PRKCA: variants seen among roughly 807,000 people sequenced by gnomAD.
The protein encoded by PRKCA is protein kinase C alpha type.
Under a neutral mutation model 87.0 loss-of-function variants are expected in PRKCA, and 27 were observed. The observed-to-expected ratio is 0.31, with a 90% confidence interval of 0.23 to 0.43. PRKCA has a LOEUF of 0.43. Among genes scored for constraint, PRKCA ranks in the 20% least tolerant of loss-of-function variants. The pLI is 1.00. For missense variants in PRKCA, 518 were observed against 852.3 expected, an observed-to-expected ratio of 0.61 and a Z score of 4.88; for synonymous variants, 329 against 311.1, an observed-to-expected ratio of 1.06 and a Z score of -0.61.
chr17:66,433,859 C>T (rs1258349612), intron 2 of PRKCA, among the ~76,000 whole-genome samples: 1 of 152,170 alleles, frequency 6.6e-6, no homozygotes, highest in Non-Finnish European at 1.5e-5. Flanking sequence ...TGAGGAGTTT[C>T]TGAAACATCT....
intron 3 of PRKCA, among the ~76,000 whole-genome samples, chr17:66,612,119 G>T (rs1970384627): frequency 6.6e-6 from 1 of 151,330 alleles, no homozygotes; most frequent in African/African-American, 2.4e-5. Flanking sequence ...AGTGGCTCAT[G>T]CCTGTAATCC....
rs185757011 is a variant in PRKCA, at chr17:66,356,885, G to A, written c.205+50758G>A. On this transcript the variant is annotated intron_variant, in intron 2 of 16. Coordinates refer to ENST00000413366, the MANE Select transcript of PRKCA (RefSeq NM_002737.3). ...TTCTCCCACCTTAGCCTCCTGAGTC[G>A]CTGAGACTACAGCCACACCACCATG... is the stretch of plus-strand genomic sequence containing the variant. Among the ~76,000 whole-genome samples, 23 of 152,162 alleles carry A rather than the reference G, an allele frequency of 1.5e-4. No individual in the cohort carries two copies. The East Asian group carries it at 3.5e-3, about 23-fold the overall frequency.
chr17:66,363,021 G>A (rs541339125), intron 2 of PRKCA, among the ~76,000 whole-genome samples: 1 of 152,126 alleles, frequency 6.6e-6, no homozygotes, highest in Non-Finnish European at 1.5e-5. Flanking sequence ...GCACCTCAAT[G>A]TCTAGTTTTG....
chr17:66,482,396 G>C (rs1915827253), intron 2 of PRKCA, among the ~76,000 whole-genome samples: 1 of 152,174 alleles, frequency 6.6e-6, no homozygotes, highest in African/African-American at 2.4e-5. Flanking sequence ...TGCCCACCTA[G>C]AGTCCTTCAG....
At chr17:66,465,562 A>AT (rs113385632) in intron 2 of PRKCA, among the ~76,000 whole-genome samples, 23,353 of 143,826 alleles carry the variant, frequency 0.16, 1,911 homozygotes, top group Middle Eastern at 0.23. Flanking sequence ...TGGCTAGTTA[A>AT]TTTTTTTTTT....
intron 3 of PRKCA, among the ~76,000 whole-genome samples, chr17:66,528,221 C>CAAAAAAAAAAAAAAAAAAAAAAAAA (rs60533049): frequency 1.2e-5 from 1 of 85,948 alleles, no homozygotes. Context: ...AACTCTGTCT[C>CAAAAAAAAAAAAAAAAAAAAAAAAA]AAAAAAAAAA....
At chr17:66,575,568 G>A (rs964650760) in intron 3 of PRKCA, among the ~76,000 whole-genome samples, 9 of 151,908 alleles carry the variant, frequency 5.9e-5, no homozygotes, top group African/African-American at 1.2e-4. Flanking sequence ...TGACAAGAGC[G>A]AAACTGTCTT....
chr17:66,371,426 C>T (rs190732906), intron 2 of PRKCA, among the ~76,000 whole-genome samples: 1 of 152,134 alleles, frequency 6.6e-6, no homozygotes, highest in African/African-American at 2.4e-5. Flanking sequence ...CAATGGAAAC[C>T]GGGGGTGAGA....
At chr17:66,506,218 C>G (rs1916969164) in intron 3 of PRKCA, among the ~76,000 whole-genome samples, 2 of 152,108 alleles carry the variant, frequency 1.3e-5, no homozygotes, top group South Asian at 2.1e-4. Context: ...ATTGCTCAAA[C>G]CCTGGAGGCG....
intron 2 of PRKCA, among the ~76,000 whole-genome samples, chr17:66,404,390 G>A (rs572068191): frequency 6.6e-6 from 1 of 152,294 alleles, no homozygotes; most frequent in South Asian, 2.1e-4. Context: ...GCGGCGGAGG[G>A]GAAAGCTTCC....
At chr17:66,543,090 A>G (rs925616894) in intron 3 of PRKCA, among the ~76,000 whole-genome samples, 5 of 152,230 alleles carry the variant, frequency 3.3e-5, no homozygotes, top group South Asian at 2.1e-4. Flanking sequence ...TATAGTCAGT[A>G]TAATGTTTAA....
intron 2 of PRKCA, among the ~76,000 whole-genome samples, chr17:66,476,852 A>G (rs571060230): frequency 1.2e-4 from 18 of 152,226 alleles, no homozygotes; most frequent in African/African-American, 3.9e-4. Flanking sequence ...TTTCCCTTCA[A>G]TCTGGAGAAA....
At chr17:66,653,799 A>AAAAAG (rs1453346730) in intron 5 of PRKCA, among the ~76,000 whole-genome samples, 1 of 133,110 alleles carries the variant, frequency 7.5e-6, no homozygotes. Context: ...CTTAAAAAAA[A>AAAAAG]AAAAAAAAAA....
chr17:66,409,510 C>T (rs935923726), intron 2 of PRKCA, among the ~76,000 whole-genome samples: 1 of 152,220 alleles, frequency 6.6e-6, no homozygotes, highest in African/African-American at 2.4e-5. Context: ...TATATGCTGT[C>T]ACTCTCTCAG....
rs752123135 is a variant in PRKCA, at chr17:66,715,113, ATG to A, written c.919-17571_919-17570del. Among the ~76,000 whole-genome samples the A allele has an allele frequency of 5.3e-5, 8 of 150,194 alleles. No homozygotes were observed. The East Asian group carries it at 5.9e-4, about 11-fold the overall frequency. ...GTGTATCCAGCATTTCGGGGATAGG[ATG>A]TGTTTTGTTTTTTGGTTTTTTTTTT... On this transcript the variant is annotated intron_variant, in intron 8 of 16. Coordinates refer to ENST00000413366, the MANE Select transcript of PRKCA (RefSeq NM_002737.3).
chr17:66,731,242 G>T (rs1421677330), intron 8 of PRKCA, among the ~76,000 whole-genome samples: 1 of 151,954 alleles, frequency 6.6e-6, no homozygotes, highest in Non-Finnish European at 1.5e-5. Flanking sequence ...TACTCAAGAG[G>T]CTGAGGCAGG....
At chr17:66,382,680 A>G (rs757625458) in intron 2 of PRKCA, among the ~76,000 whole-genome samples, 1 of 152,216 alleles carries the variant, frequency 6.6e-6, no homozygotes, top group African/African-American at 2.4e-5. Flanking sequence ...TAACTTAAAC[A>G]TAGTGGTTCT....
At chr17:66,493,201 A>T (rs538889499) in intron 2 of PRKCA, among the ~76,000 whole-genome samples, 1 of 152,304 alleles carries the variant, frequency 6.6e-6, no homozygotes, top group South Asian at 2.1e-4. Flanking sequence ...AAAACCCTTT[A>T]AAAAGAATTA....
intron 3 of PRKCA, among the ~76,000 whole-genome samples, chr17:66,578,249 G>A (rs575385787): frequency 4.0e-5 from 6 of 151,764 alleles, no homozygotes; most frequent in South Asian, 4.2e-4. Context: ...CTGGAAAGAC[G>A]CCTCACCTGC....
Sources: gnomAD v4.1 joint callset for allele counts (sites outside exome capture counted in the v4.1 genomes callset) on GRCh38, gnomAD v4.1.1 for gene constraint, MANE v1.5 for transcripts, NCBI Gene and HGNC (gene_info 2026-07-23, HGNC 2026-07-21) for gene names.